The following ABHD18 variants were observed in gnomAD, a reference collection of about 807,000 sequenced individuals.
ABHD18 encodes the protein cardiolipin-specific deacylase, mitochondrial.
ABHD18 carries 55 observed loss-of-function variants against 65.9 expected under a neutral mutation model. The ratio of observed to expected loss-of-function variants is 0.84; its 90% CI spans 0.67 to 1.05. The LOEUF (loss-of-function observed/expected upper bound fraction) is 1.05, where lower values mean the gene tolerates loss of function less well. Ranked by LOEUF, ABHD18 falls within the 50% of genes least tolerant of loss-of-function variation. ABHD18 has a pLI of 0.00. For synonymous variants in ABHD18, 181 were observed against 180.2 expected (o/e 1.00, Z -0.04); for missense variants, 533 against 558.5 (o/e 0.95, Z 0.46).
chr4:127,982,404 AG>A (rs1749215603), intron 1 of ABHD18, among the ~76,000 whole-genome samples: 1 of 152,118 alleles, frequency 6.6e-6, no homozygotes, highest in South Asian at 2.1e-4. Context: ...AGTATAGTAG[AG>A]GGGAGTGTAG....
At chr4:128,000,912 T>C (rs1027470371) in intron 4 of ABHD18, among the ~76,000 whole-genome samples, 5 of 152,086 alleles carry the variant, frequency 3.3e-5, no homozygotes, top group Admixed American at 2.6e-4. Context: ...ATAAATGAGA[T>C]TGTGTTCTTG....
At chr4:128,003,523 G>A (rs1753047515) in intron 4 of ABHD18, among the ~76,000 whole-genome samples, 1 of 151,682 alleles carries the variant, frequency 6.6e-6, no homozygotes, top group South Asian at 2.1e-4. Context: ...AAAAAAGATA[G>A]AAAAGAATTT....
intron 1 of ABHD18, among the ~76,000 whole-genome samples, chr4:127,972,219 G>C (rs1463602660): frequency 6.6e-6 from 1 of 152,134 alleles, no homozygotes; most frequent in Admixed American, 6.6e-5. Flanking sequence ...ACGCACCAAG[G>C]TGTTCATCAA....
intron 1 of ABHD18, among the ~76,000 whole-genome samples, chr4:127,970,012 G>A (rs1746423572): frequency 6.6e-6 from 1 of 151,874 alleles, no homozygotes; most frequent in African/African-American, 2.4e-5. Flanking sequence ...GCCTCCCAAA[G>A]TGCTAGGATT....
intron 12 of ABHD18, chr4:128,031,013 T>G (rs1758129712): frequency 8.8e-6 from 9 of 1,027,794 alleles, no homozygotes; most frequent in South Asian, 4.2e-5. Flanking sequence ...TTCACTCTAT[T>G]CTGATGTTTT....
intron 4 of ABHD18, among the ~76,000 whole-genome samples, chr4:128,006,576 G>A (rs932694594): frequency 6.6e-6 from 1 of 152,164 alleles, no homozygotes. Context: ...TCAGAATTGA[G>A]GTTTTATGTT....
chr4:128,020,430 A>C (rs1404148462), intron 9 of ABHD18, among the ~76,000 whole-genome samples: 1 of 152,230 alleles, frequency 6.6e-6, no homozygotes, highest in Admixed American at 6.5e-5. Flanking sequence ...GTTACAGTTC[A>C]TGCTTAATTC....
chr4:128,029,543 G>A (rs558346603), intron 11 of ABHD18, among the ~76,000 whole-genome samples: 35 of 152,174 alleles, frequency 2.3e-4, no homozygotes, highest in Admixed American at 6.5e-4. Context: ...TAGCTGGGTG[G>A]CCGGGCCCAG....
intron 1 of ABHD18, among the ~76,000 whole-genome samples, chr4:127,979,288 G>C (rs1748538229): frequency 6.6e-6 from 1 of 152,244 alleles, no homozygotes; most frequent in Non-Finnish European, 1.5e-5. Flanking sequence ...GGGCGCGGTG[G>C]CTCATGCCTG....
rs1378131893 is a variant in ABHD18, at chr4:128,030,623, T to G, written c.1294T>G (p.Leu432Val). The stretch of plus-strand genomic sequence containing the variant: ...TTGGCCTGGTTGTGAAATCCGATAC[T>G]TAGAAGGGGGTCATATTAGTGCTTA... ...EIWPGCEIRY[L>V]EGGHISAYLF... is the part of the protein sequence containing the mutation. The change falls in exon 12 of 13, where the codon TTA (leucine) becomes GTA (valine). Residue 432 changes from leucine to valine, a missense_variant. Physicochemically the swap from Leu to Val is conservative, Grantham distance 32. This residue lies in a region of ABHD18 where 220 missense variants were observed against 226.8 expected (regional missense o/e 0.97). Coordinates refer to ENST00000645843, the MANE Select transcript of ABHD18 (RefSeq NM_001358451.3). 2.5e-6 allele frequency: 4 copies of G among 1,606,806 alleles called. No homozygotes were observed. The highest frequency in any genetic ancestry group is 3.4e-6 in the Non-Finnish European group (4 of 1,178,748).
chr4:128,027,346 T>A (rs1757521554), intron 10 of ABHD18, among the ~76,000 whole-genome samples: 1 of 152,220 alleles, frequency 6.6e-6, no homozygotes, highest in Non-Finnish European at 1.5e-5. Context: ...TTACAAGTCC[T>A]TAAACTTAGA....
chr4:128,004,485 A>G (rs1253768348), intron 4 of ABHD18, among the ~76,000 whole-genome samples: 1 of 151,864 alleles, frequency 6.6e-6, no homozygotes, highest in East Asian at 1.9e-4. Context: ...CAAAATAACA[A>G]CTTCTGCCTC....
intron 6 of ABHD18, among the ~76,000 whole-genome samples, chr4:128,010,987 T>C (rs1754435341): frequency 6.6e-6 from 1 of 152,090 alleles, no homozygotes; most frequent in African/African-American, 2.4e-5. Context: ...TAGTTGTTCT[T>C]TAATCTGATT....
At chr4:128,023,423 A>G (rs1032820920) in intron 10 of ABHD18, among the ~76,000 whole-genome samples, 2 of 148,532 alleles carry the variant, frequency 1.3e-5, no homozygotes, top group African/African-American at 4.9e-5. Context: ...AAAAAAAAAA[A>G]AAAAAAAAAA....
intron 6 of ABHD18, among the ~76,000 whole-genome samples, chr4:128,010,137 T>C (rs535985188): frequency 1.3e-5 from 2 of 152,364 alleles, no homozygotes. Context: ...TGATTAATAC[T>C]GTCTAGAACA....
At chr4:128,008,597 T>C (rs1166128558) in intron 4 of ABHD18, among the ~76,000 whole-genome samples, 1 of 152,102 alleles carries the variant, frequency 6.6e-6, no homozygotes, top group East Asian at 1.9e-4. Flanking sequence ...TTTTAAGACT[T>C]ACTCATATAT....
At chr4:127,994,890 A>T (rs1230663370) in intron 4 of ABHD18, among the ~76,000 whole-genome samples, 1 of 152,070 alleles carries the variant, frequency 6.6e-6, no homozygotes, top group Non-Finnish European at 1.5e-5. Flanking sequence ...ATTCATTTTT[A>T]AATTTTTTAG....
chr4:128,003,367 CAA>C (rs373482106), intron 4 of ABHD18, among the ~76,000 whole-genome samples: 70 of 110,870 alleles, frequency 6.3e-4, no homozygotes, highest in Non-Finnish European at 9.1e-4. Context: ...GATGCTGTCT[CAA>C]AAAAAAAAAA....
chr4:128,022,463 C>A (rs1295716101), intron 10 of ABHD18, among the ~76,000 whole-genome samples: 1 of 152,136 alleles, frequency 6.6e-6, no homozygotes, highest in African/African-American at 2.4e-5. Flanking sequence ...GTTTTGATTT[C>A]TTTCACAAGG....
Sources: allele counts gnomAD v4.1 joint callset (sites outside exome capture counted in the v4.1 genomes callset), GRCh38; gene constraint gnomAD v4.1.1; regional missense constraint gnomAD v4.1.1; transcripts MANE v1.5; gene names NCBI Gene and HGNC (gene_info 2026-07-23, HGNC 2026-07-21).